The following CHD2 variants were observed in gnomAD, a reference collection of about 807,000 sequenced individuals.
CHD2 encodes the protein chromodomain helicase DNA binding protein 2, also known as ATP-dependent chromatin remodeler CHD2.
A neutral mutation model predicts 243.9 loss-of-function variants in CHD2; 28 were observed. The observed-to-expected ratio is 0.11, with a 90% confidence interval of 0.09 to 0.16. The LOEUF (loss-of-function observed/expected upper bound fraction) is 0.16, where lower values mean the gene tolerates loss of function less well. CHD2 is among the 10% of genes least tolerant of loss of function. The probability of loss-of-function intolerance (pLI) is 1.00; values close to 1 mark genes in which losing one functional copy is unlikely to be tolerated. For missense variants in CHD2, 1,386 were observed against 2,209.8 expected, an observed-to-expected ratio of 0.63 and a Z score of 7.47; for synonymous variants, 775 against 779.0, an observed-to-expected ratio of 0.99 and a Z score of 0.09.
chr15:92,976,919 T>A (rs2053917684), intron 20 of CHD2, among the ~76,000 whole-genome samples: 1 of 151,904 alleles, frequency 6.6e-6, no homozygotes, highest in Non-Finnish European at 1.5e-5. Flanking sequence ...AAAAATTTTT[T>A]TTTTAAATTT....
At chr15:93,007,935 G>A (rs998916457) in intron 34 of CHD2, among the ~76,000 whole-genome samples, 4 of 152,132 alleles carry the variant, frequency 2.6e-5, no homozygotes, top group African/African-American at 9.7e-5. Flanking sequence ...TACACACTTT[G>A]CTTCGGTGGC....
intron 26 of CHD2, 88 bp from the exon 27 acceptor site, chr15:92,991,388 C>G: frequency 1.1e-6 from 1 of 949,450 alleles, no homozygotes; most frequent in Non-Finnish European, 1.6e-6. Flanking sequence ...ATTTGCATGG[C>G]TCATATGTCA....
At chr15:92,965,075 C>G (rs1186547667) in intron 16 of CHD2, among the ~76,000 whole-genome samples, 1 of 152,110 alleles carries the variant, frequency 6.6e-6, no homozygotes, top group Non-Finnish European at 1.5e-5. Context: ...CTATAAAGAT[C>G]AGAATTTTTT....
intron 24 of CHD2, among the ~76,000 whole-genome samples, chr15:92,982,196 C>G (rs2053988550): frequency 6.6e-6 from 1 of 152,094 alleles, no homozygotes; most frequent in African/African-American, 2.4e-5. Context: ...GTCAAAAGCA[C>G]AGATGGAAGA....
chr15:93,014,765 C>T lies in CHD2; in HGVS notation c.4762C>T (p.Arg1588Trp), dbSNP rs139646715. ...PFRPEASGSS[R>W]DSLISQSHTS... is the part of the protein sequence containing the mutation. ...TCGTCCAGAGGCCTCAGGCTCCAGC[C>T]GGGACTCTCTGATATCTCAGTCCCA... The change falls in exon 37 of 39, where the codon CGG becomes TGG. Residue 1588 changes from arginine (R) to tryptophan (W), a missense_variant. By Grantham distance (101) the Arg-to-Trp change is moderately radical. Around this residue, in one of 19 missense-constraint regions of CHD2, gnomAD observed 347 missense variants for 341.6 expected, o/e 1.02. Coordinates refer to ENST00000394196, the MANE Select transcript of CHD2 (RefSeq NM_001271.4). The T allele has an allele frequency of 8.4e-4, 1,362 of 1,614,100 alleles. 2 individuals carry two copies. Among genetic ancestry groups the T allele is most frequent in the Non-Finnish European group, 1.0e-3 (1,233 of 1,180,012 alleles).
At chr15:92,975,777 G>A (rs180714357) in intron 20 of CHD2, among the ~76,000 whole-genome samples, 22 of 152,090 alleles carry the variant, frequency 1.4e-4, no homozygotes, top group Admixed American at 7.9e-4. Context: ...CCTTTAGAGT[G>A]TAGAAATCCT....
intron 37 of CHD2, among the ~76,000 whole-genome samples, chr15:93,017,639 G>A (rs573250317): frequency 1.1e-4 from 17 of 151,934 alleles, no homozygotes; most frequent in East Asian, 7.8e-4. Flanking sequence ...GAGCCACTGC[G>A]CCTGGCCTAA....
chr15:92,997,134 G>C lies in CHD2; in HGVS notation c.3734+39G>C. ...GTGTACATGCTTAGATGGTCGTACC[G>C]TAAGAAAATAGATTTGAAGTTAGAC... is the stretch of plus-strand genomic sequence containing the variant. On this transcript the variant is annotated intron_variant, in intron 29 of 38. Coordinates refer to ENST00000394196, the MANE Select transcript of CHD2 (RefSeq NM_001271.4). The surrounding 1 kb of genome is among the most constrained non-coding windows in gnomAD (Gnocchi z 4.1). The C allele has an allele frequency of 6.2e-7, 1 of 1,604,364 alleles. No individual in the cohort carries two copies. Among genetic ancestry groups the C allele is most frequent in the Non-Finnish European group, 8.5e-7 (1 of 1,176,686 alleles).
intron 20 of CHD2, among the ~76,000 whole-genome samples, chr15:92,977,681 T>G (rs2053928066): frequency 6.6e-6 from 1 of 152,218 alleles, no homozygotes; most frequent in African/African-American, 2.4e-5. Context: ...TGTTTTGATT[T>G]TTTTATAATT....
chr15:92,913,257 T>G (rs1043886452), intron 2 of CHD2, among the ~76,000 whole-genome samples: 1 of 152,244 alleles, frequency 6.6e-6, no homozygotes, highest in African/African-American at 2.4e-5. Context: ...TGCTGCTTTT[T>G]AGCTGTAGAA....
chr15:92,905,645 T>G (rs2052607334), intron 2 of CHD2, among the ~76,000 whole-genome samples: 1 of 152,240 alleles, frequency 6.6e-6, no homozygotes. Context: ...TAGTGAGTTT[T>G]GTAGGTTCTC....
At chr15:93,018,921 T>G (rs965470533) in intron 37 of CHD2, among the ~76,000 whole-genome samples, 13 of 152,220 alleles carry the variant, frequency 8.5e-5, no homozygotes, top group African/African-American at 3.1e-4. Context: ...AAAATCACAC[T>G]CACAGGCTCT....
At chr15:92,974,820 C>G in intron 19 of CHD2, 59 bp from the exon 20 acceptor site, 2 of 1,503,736 alleles carry the variant, frequency 1.3e-6, no homozygotes, top group South Asian at 2.3e-5. Flanking sequence ...GTCTGCTGTT[C>G]TATTCTGAGT....
intron 4 of CHD2, among the ~76,000 whole-genome samples, chr15:92,928,293 C>T (rs2053101206): frequency 6.6e-6 from 1 of 152,164 alleles, no homozygotes; most frequent in Non-Finnish European, 1.5e-5. Context: ...TTGTTAAAAC[C>T]AATCACATAG....
chr15:92,970,142 A>G (rs1159473331), intron 17 of CHD2, among the ~76,000 whole-genome samples: 1 of 152,130 alleles, frequency 6.6e-6, no homozygotes, highest in Non-Finnish European at 1.5e-5. Flanking sequence ...GGTATGTTCA[A>G]AGAAATGTAG....
intron 24 of CHD2, among the ~76,000 whole-genome samples, 172 bp downstream of exon 24, chr15:92,981,629 G>T (rs148239576): frequency 3.5e-4 from 53 of 152,342 alleles, no homozygotes; most frequent in Middle Eastern, 3.4e-3. Context: ...AGGTTCTACA[G>T]TCCGCACGAA....
intron 2 of CHD2, among the ~76,000 whole-genome samples, chr15:92,903,394 G>A (rs1286570680): frequency 6.6e-6 from 1 of 152,102 alleles, no homozygotes; most frequent in Non-Finnish European, 1.5e-5. Context: ...AGTAAACTTT[G>A]GTCTGAGAAT....
At chr15:92,968,325 C>T (rs1447947107) in intron 17 of CHD2, among the ~76,000 whole-genome samples, 3 of 152,066 alleles carry the variant, frequency 2.0e-5, no homozygotes, top group Non-Finnish European at 4.4e-5. Flanking sequence ...AGTTTGAGAC[C>T]AGCCTGGGCA....
chr15:93,000,908 C>G (rs1021692680), intron 32 of CHD2, among the ~76,000 whole-genome samples: 2 of 152,102 alleles, frequency 1.3e-5, no homozygotes, highest in African/African-American at 4.8e-5. Flanking sequence ...CGCTCTTGTC[C>G]GCGAGGCTGG....
Sources: allele counts gnomAD v4.1 joint callset (sites outside exome capture counted in the v4.1 genomes callset), GRCh38; gene constraint gnomAD v4.1.1; regional missense constraint gnomAD v4.1.1; non-coding constraint Gnocchi (gnomAD v3.1); transcripts MANE v1.5; gene names NCBI Gene and HGNC (gene_info 2026-07-23, HGNC 2026-07-21).